CNNM2: variants seen among roughly 807,000 people sequenced by gnomAD.
The protein encoded by CNNM2 is cyclin and CBS domain divalent metal cation transport mediator 2.
CNNM2 carries 12 observed loss-of-function variants against 66.9 expected under a neutral mutation model. The observed-to-expected ratio is 0.18, with a 90% CI of 0.11 to 0.29. CNNM2 has a LOEUF of 0.29. Among genes scored for constraint, CNNM2 ranks in the 10% least tolerant of loss-of-function variants. The pLI is 1.00. For missense variants in CNNM2, 705 were observed against 1,167.7 expected (o/e 0.60, Z 5.77); for synonymous variants, 557 against 501.8 (o/e 1.11, Z -1.47).
intron 1 of CNNM2, among the ~76,000 whole-genome samples, chr10:102,944,320 C>T (rs1046181986): frequency 6.6e-6 from 1 of 152,046 alleles, no homozygotes; most frequent in South Asian, 2.1e-4. Context: ...TTCAGGTGAT[C>T]GCCTGCCTTG....
chr10:102,969,036 T>G (rs1047609822), intron 1 of CNNM2, among the ~76,000 whole-genome samples: 1 of 151,386 alleles, frequency 6.6e-6, no homozygotes, highest in Non-Finnish European at 1.5e-5. Flanking sequence ...ACTTAAACTT[T>G]CCGAGTAGCT....
At chr10:103,062,604 T>C (rs2065406437) in intron 4 of CNNM2, among the ~76,000 whole-genome samples, 1 of 152,198 alleles carries the variant, frequency 6.6e-6, no homozygotes, top group Admixed American at 6.5e-5. Flanking sequence ...AATGAATAAA[T>C]TCTCAATGTG....
At chr10:102,938,651 G>A (rs893564138) in intron 1 of CNNM2, among the ~76,000 whole-genome samples, 10 of 139,066 alleles carry the variant, frequency 7.2e-5, no homozygotes, top group East Asian at 2.2e-4. Flanking sequence ...AAAAGACAAC[G>A]CCTCTACTCC....
chr10:102,964,875 T>A (rs940090424), intron 1 of CNNM2, among the ~76,000 whole-genome samples: 1 of 151,970 alleles, frequency 6.6e-6, no homozygotes. Flanking sequence ...GGGTTGCCTT[T>A]AAGAGGGAGT....
intron 1 of CNNM2, among the ~76,000 whole-genome samples, chr10:102,942,609 C>T (rs1227555157): frequency 6.6e-6 from 1 of 152,184 alleles, no homozygotes; most frequent in Admixed American, 6.5e-5. Flanking sequence ...GTGAATAATG[C>T]TGCTATGAAC....
chr10:102,988,437 A>G (rs1240492304), intron 1 of CNNM2, among the ~76,000 whole-genome samples: 1 of 152,210 alleles, frequency 6.6e-6, no homozygotes, highest in Non-Finnish European at 1.5e-5. Flanking sequence ...AGTGACACAG[A>G]TACTACAAAA....
chr10:102,940,470 G>C (rs1564813683), intron 1 of CNNM2, among the ~76,000 whole-genome samples: 1 of 151,346 alleles, frequency 6.6e-6, no homozygotes, highest in Non-Finnish European at 1.5e-5. Context: ...CCAGGCTGGA[G>C]TGCACTGGCG....
intron 1 of CNNM2, among the ~76,000 whole-genome samples, chr10:103,024,339 T>G (rs1225096121): frequency 1.3e-5 from 2 of 152,246 alleles, no homozygotes; most frequent in Non-Finnish European, 2.9e-5. Context: ...TGGTTTCATT[T>G]ATCTTTTTTC....
At chr10:102,985,302 T>C (rs1316870734) in intron 1 of CNNM2, among the ~76,000 whole-genome samples, 2 of 152,150 alleles carry the variant, frequency 1.3e-5, no homozygotes, top group African/African-American at 4.8e-5. Context: ...AGTCCTCCTC[T>C]GTATATTCCT....
At position 103,085,693 on chromosome 10, in the gene CNNM2, C is replaced by T. The variant is rs1327430638; in HGVS notation, c.*8513C>T. 6.6e-6 allele frequency: 1 copy of T among 152,168 alleles called. No individual in the cohort carries two copies. The highest frequency in any genetic ancestry group is 1.5e-5 in the Non-Finnish European group (1 of 68,034). 9.4% of individuals were successfully genotyped at this position (152,168 alleles called of 1,614,324 possible). A position where few individuals can be genotyped will look rare whatever the true frequency, so the allele number is the denominator to read the frequency against. On this transcript the variant is annotated 3_prime_UTR_variant, in exon 8 of 8. Transcript: ENST00000369878. ...AATTTAAATTGGAAAACATAGATTC[C>T]TCATCCTTAAACAGAGTCAGCAAGT...
At chr10:102,967,177 T>G (rs916159668) in intron 1 of CNNM2, among the ~76,000 whole-genome samples, 1 of 152,178 alleles carries the variant, frequency 6.6e-6, no homozygotes, top group African/African-American at 2.4e-5. Context: ...GGTCTTGAAC[T>G]CCTGGCCACA....
intron 1 of CNNM2, among the ~76,000 whole-genome samples, chr10:102,952,459 G>A (rs1846875108): frequency 6.6e-6 from 1 of 152,018 alleles, no homozygotes; most frequent in Non-Finnish European, 1.5e-5. Context: ...AGCTACTCGG[G>A]AAGCTGAGCC....
rs574905721 is a variant in CNNM2 at position 103,035,288 on chromosome 10, A to G, written c.1622-14419A>G. Among the ~76,000 whole-genome samples the G allele has an allele frequency of 5.9e-5, 9 of 152,318 alleles. No individual in the cohort carries two copies. The East Asian group carries it at 1.4e-3, about 23-fold the overall frequency. On this transcript the variant is annotated intron_variant, in intron 1 of 7. Coordinates refer to ENST00000369878, the MANE Select transcript of CNNM2 (RefSeq NM_017649.5). ...AAAATAAACCCCTTAGTTCTATAGA[A>G]GAACTACCTGTCTCTTGGGGAACAT...
chr10:102,940,923 C>G (rs1846410127), intron 1 of CNNM2, among the ~76,000 whole-genome samples: 1 of 152,090 alleles, frequency 6.6e-6, no homozygotes, highest in Non-Finnish European at 1.5e-5. Context: ...GGGTTTCACA[C>G]TATGTTGTCC....
At chr10:102,995,396 G>A (rs1439744657) in intron 1 of CNNM2, among the ~76,000 whole-genome samples, 8 of 150,936 alleles carry the variant, frequency 5.3e-5, no homozygotes, top group African/African-American at 1.9e-4. Flanking sequence ...TATTTTTAGT[G>A]GTGATAGGGT....
At chr10:103,040,596 C>T (rs2065022987) in intron 1 of CNNM2, among the ~76,000 whole-genome samples, 1 of 152,156 alleles carries the variant, frequency 6.6e-6, no homozygotes, top group Non-Finnish European at 1.5e-5. Flanking sequence ...TGGCCGTTGG[C>T]TAGACTTGGC....
chr10:103,003,985 A>AGTT (rs2064174499), intron 1 of CNNM2, among the ~76,000 whole-genome samples: 1 of 83,968 alleles, frequency 1.2e-5, no homozygotes, highest in Non-Finnish European at 2.2e-5. Context: ...CATTGCATGA[A>AGTT]TTTTTTTTTT....
intron 1 of CNNM2, among the ~76,000 whole-genome samples, chr10:102,943,706 C>G (rs1375206455): frequency 6.6e-6 from 1 of 152,106 alleles, no homozygotes; most frequent in Non-Finnish European, 1.5e-5. Context: ...TATTTTCTGT[C>G]TAAAATGGCT....
chr10:103,018,119 T>A (rs998830659), intron 1 of CNNM2, among the ~76,000 whole-genome samples: 4 of 152,066 alleles, frequency 2.6e-5, no homozygotes, highest in Non-Finnish European at 5.9e-5. Context: ...CTTTGGCTTT[T>A]CTGCAAAGGA....
Sources: allele counts gnomAD v4.1 joint callset (sites outside exome capture counted in the v4.1 genomes callset), GRCh38; gene constraint gnomAD v4.1.1; transcripts MANE v1.5; gene names NCBI Gene and HGNC (gene_info 2026-07-23, HGNC 2026-07-21).